COL23A1: variants seen among roughly 807,000 people sequenced by gnomAD.
COL23A1 encodes collagen type XXIII alpha 1 chain.
Under a neutral mutation model 99.3 loss-of-function variants are expected in COL23A1, and 97 were observed. That is an observed-to-expected ratio of 0.98 (90% CI 0.83 to 1.16). The LOEUF is 1.16. Among genes scored for constraint, COL23A1 ranks in the 50% most tolerant of loss-of-function variants. The pLI is 0.00. For missense variants in COL23A1, 762 were observed against 757.4 expected (o/e 1.01, Z -0.07); for synonymous variants, 320 against 308.2 (o/e 1.04, Z -0.40).
rs1313565304 is a variant in COL23A1 at position 178,306,489 on chromosome 5, C to T, written c.406+386G>A. Among the ~76,000 whole-genome samples the T allele has an allele frequency of 1.3e-5, 2 of 151,722 alleles. No homozygotes were observed. Among genetic ancestry groups the T allele is most frequent in the East Asian group, 1.9e-4 (1 of 5,144 alleles). On this transcript the variant is annotated intron_variant, in intron 3 of 28. Coordinates refer to ENST00000390654, the MANE Select transcript of COL23A1 (RefSeq NM_173465.4). The surrounding 1 kb of genome is among the most constrained non-coding windows in gnomAD (Gnocchi z 4.1). ...TCTGCCAAGGAAGGACAGGCCACGT[C>T]TGGGGAGGGATGAAACCCACAGGAG... is the stretch of plus-strand genomic sequence containing the variant.
Position 178,450,248 on chromosome 5 carries a change from C to T in COL23A1, c.361+110434G>A, listed in dbSNP as rs9329147. On this transcript the variant is annotated intron_variant, in intron 2 of 28. Transcript: ENST00000390654. Reference sequence around the variant, plus strand: ...AGCAGGGCTCTAACTGCTGGTTGTCCGCAAGGATCGTTTTCCCCTTCTTCT... The same window carrying T: ...AGCAGGGCTCTAACTGCTGGTTGTCTGCAAGGATCGTTTTCCCCTTCTTCT... Among the ~76,000 whole-genome samples, 1,295 of 140,058 alleles carry T rather than the reference C, an allele frequency of 9.2e-3. 20 individuals are homozygous for T. The highest frequency in any genetic ancestry group is 0.03 in the African/African-American group (1,222 of 40,650). The allele number at this position is 140,058 out of a possible 152,430, so 91.9% of individuals were successfully genotyped here.
intron 1 of COL23A1, among the ~76,000 whole-genome samples, chr5:178,564,001 T>C (rs1458005982): frequency 2.6e-5 from 4 of 152,206 alleles, no homozygotes; most frequent in African/African-American, 9.7e-5. Flanking sequence ...CTGATTTCAT[T>C]TTTTAAACAA....
chr5:178,368,659 A>T (rs1299115359), intron 2 of COL23A1, among the ~76,000 whole-genome samples: 1 of 149,722 alleles, frequency 6.7e-6, no homozygotes, highest in Non-Finnish European at 1.5e-5. Context: ...CCTGGCCTCC[A>T]GAAGCCATCG....
intron 2 of COL23A1, among the ~76,000 whole-genome samples, chr5:178,444,496 G>A (rs1016981579): frequency 6.6e-6 from 1 of 152,012 alleles, no homozygotes; most frequent in African/African-American, 2.4e-5. Context: ...GCACTTTAGT[G>A]GCAAAACACA....
At chr5:178,253,992 C>T (rs1033571858) in intron 16 of COL23A1, among the ~76,000 whole-genome samples, 6 of 151,660 alleles carry the variant, frequency 4.0e-5, no homozygotes, top group Non-Finnish European at 7.4e-5. Flanking sequence ...GGTGAAACCC[C>T]GTCTCTACTA....
At chr5:178,523,617 G>C (rs1272826833) in intron 2 of COL23A1, 3 of 152,038 alleles carry the variant, frequency 2.0e-5, no homozygotes, top group Non-Finnish European at 4.4e-5. Context: ...GAAGCTCGAG[G>C]ATGGTGCTTT....
chr5:178,258,871 T>C (rs1188147293), intron 12 of COL23A1, among the ~76,000 whole-genome samples: 1 of 151,746 alleles, frequency 6.6e-6, no homozygotes, highest in Non-Finnish European at 1.5e-5. Flanking sequence ...ATATTTTTGA[T>C]TTTTAGTAGA....
At chr5:178,572,025 G>A (rs1044389544) in intron 1 of COL23A1, among the ~76,000 whole-genome samples, 10 of 138,478 alleles carry the variant, frequency 7.2e-5, no homozygotes, top group Admixed American at 6.3e-4. Context: ...CCGAGATTGC[G>A]CCACTGCACT....
At chr5:178,378,436 G>A (rs1007185525) in intron 2 of COL23A1, among the ~76,000 whole-genome samples, 1 of 152,172 alleles carries the variant, frequency 6.6e-6, no homozygotes, top group African/African-American at 2.4e-5. Context: ...TGACTGGAGG[G>A]AGTGGCAAGA....
intron 2 of COL23A1, among the ~76,000 whole-genome samples, chr5:178,376,673 A>G (rs530090101): frequency 1.3e-5 from 2 of 152,348 alleles, no homozygotes; most frequent in African/African-American, 2.4e-5. Flanking sequence ...GTGAGGGAAC[A>G]TGCCCAAGGC....
chr5:178,466,806 C>A (rs1756446499), intron 2 of COL23A1, among the ~76,000 whole-genome samples: 1 of 152,180 alleles, frequency 6.6e-6, no homozygotes, highest in Non-Finnish European at 1.5e-5. Flanking sequence ...GCCAGGCTGG[C>A]CAGGTGGAAG....
At chr5:178,348,222 A>G (rs1282363196) in intron 2 of COL23A1, among the ~76,000 whole-genome samples, 2 of 152,094 alleles carry the variant, frequency 1.3e-5, no homozygotes. Context: ...TCTTCCCAGC[A>G]GCTCTGCCTC....
chr5:178,516,198 CCTCA>C (rs1394926986), intron 2 of COL23A1, among the ~76,000 whole-genome samples: 1 of 152,062 alleles, frequency 6.6e-6, no homozygotes. Flanking sequence ...GAGAAACCTC[CCTCA>C]CTGTTTGCCC....
intron 2 of COL23A1, among the ~76,000 whole-genome samples, chr5:178,426,389 C>T (rs1356178826): frequency 6.6e-6 from 1 of 152,238 alleles, no homozygotes; most frequent in Non-Finnish European, 1.5e-5. Context: ...GTTGCTTCTT[C>T]ACCTCTGTGT....
At chr5:178,318,772 G>T (rs1261063150) in intron 2 of COL23A1, among the ~76,000 whole-genome samples, 3 of 152,138 alleles carry the variant, frequency 2.0e-5, no homozygotes, top group African/African-American at 4.8e-5. Context: ...TGTGGTGGCG[G>T]GCGCCTGTAA....
rs1457289667 is a variant in COL23A1 at position 178,358,348 on chromosome 5, TTGTGTGTA to T, written c.362-51437_362-51430del. Reference sequence around the variant, plus strand: ...TGTGTATGTATGTCTAATGTGTGTATTGTGTGTATGTGTATGTGTACGTGTGTATGTCT... The same window carrying T: ...TGTGTATGTATGTCTAATGTGTGTATTGTGTATGTGTACGTGTGTATGTCT... On this transcript the variant is annotated intron_variant, in intron 2 of 28. Coordinates refer to ENST00000390654, the MANE Select transcript of COL23A1 (RefSeq NM_173465.4). Among the ~76,000 whole-genome samples the T allele has an allele frequency of 6.0e-5, 9 of 149,000 alleles. No homozygotes were observed. The South Asian group carries it at 8.8e-4, about 15-fold the overall frequency.
intron 1 of COL23A1, among the ~76,000 whole-genome samples, chr5:178,581,689 C>T (rs891931332): frequency 9.2e-5 from 14 of 152,098 alleles, no homozygotes; most frequent in Non-Finnish European, 1.5e-4. Context: ...ACTGACTGTA[C>T]CATTATCTGC....
chr5:178,433,165 C>A (rs546050077), intron 2 of COL23A1, among the ~76,000 whole-genome samples: 37 of 151,940 alleles, frequency 2.4e-4, no homozygotes, highest in African/African-American at 8.7e-4. Flanking sequence ...AGGCCCAGTC[C>A]CCCAAGACTG....
chr5:178,498,231 TATATA>T (rs1231900018), intron 2 of COL23A1, among the ~76,000 whole-genome samples: 1 of 54,874 alleles, frequency 1.8e-5, no homozygotes, highest in Non-Finnish European at 3.1e-5. Flanking sequence ...TATATATATA[TATATA>T]TATATATATA....
Sources: gnomAD v4.1 joint callset for allele counts (sites outside exome capture counted in the v4.1 genomes callset) on GRCh38, gnomAD v4.1.1 for gene constraint, Gnocchi (gnomAD v3.1) non-coding constraint, MANE v1.5 for transcripts, NCBI Gene and HGNC (gene_info 2026-07-23, HGNC 2026-07-21) for gene names.